The following RPL26L1 variants were observed in gnomAD, a reference collection of about 807,000 sequenced individuals.
RPL26L1 encodes the protein ribosomal protein L26 like 1, also known as ribosomal protein uL24-like.
RPL26L1 carries 8 observed loss-of-function variants against 15.2 expected under a neutral mutation model. The ratio of observed to expected loss-of-function variants is 0.53; its 90% CI spans 0.31 to 0.95. The LOEUF (loss-of-function observed/expected upper bound fraction) is 0.95. RPL26L1 is among the 40% of genes least tolerant of loss of function. The probability of loss-of-function intolerance (pLI) is 0.05; values close to 1 mark genes in which losing one functional copy is unlikely to be tolerated. For missense variants in RPL26L1, 146 were observed against 190.9 expected, an observed-to-expected ratio of 0.76 and a Z score of 1.39; for synonymous variants, 51 against 65.9, an observed-to-expected ratio of 0.77 and a Z score of 1.09.
In RPL26L1 at chr5:172,968,478, A is replaced by C; in HGVS notation, c.188A>C (p.Lys63Thr). ...TCTTAGGTAGTTCGAGGACACTACAAAGGTCAGCAAATTGGCAAGGTAGTC... is the reference window on the plus strand; with the variant it reads ...TCTTAGGTAGTTCGAGGACACTACACAGGTCAGCAAATTGGCAAGGTAGTC... ...DEVQVVRGHYKGQQIGKVVQV... is the reference protein window; with the variant it reads ...DEVQVVRGHYTGQQIGKVVQV... The change falls in exon 3 of 4, where the codon AAA (lysine) becomes ACA (threonine). Residue 63 changes from lysine to threonine, a missense_variant. Physicochemically the swap from Lys to Thr is moderately conservative, Grantham distance 78. Transcript: ENST00000265100. The C allele has an allele frequency of 6.2e-7, 1 of 1,614,062 alleles. No individual in the cohort carries two copies. Among genetic ancestry groups the C allele is most frequent in the Non-Finnish European group, 8.5e-7 (1 of 1,179,972 alleles).
At chr5:172,966,652 T>C (rs1397472614) in intron 2 of RPL26L1, among the ~76,000 whole-genome samples, 1 of 152,102 alleles carries the variant, frequency 6.6e-6, no homozygotes, top group Non-Finnish European at 1.5e-5. Context: ...TTAACAAGAC[T>C]TCTTCCAGGT....
At chr5:172,958,264 CA>C (rs5873347), upstream of RPL26L1, 16,427 of 281,910 alleles carry the variant, frequency 0.058, 12 homozygotes, top group Middle Eastern at 0.11. Context: ...AACTCTATCT[CA>C]AAAAAAAAAA....
chr5:172,967,178 C>T (rs145573624), intron 2 of RPL26L1, among the ~76,000 whole-genome samples: 3,753 of 149,316 alleles, frequency 0.025, 77 homozygotes, highest in Non-Finnish European at 0.038. Flanking sequence ...TTAATAAGCT[C>T]TTGTGGCTGG....
chr5:172,959,557 A>C, intron 1 of RPL26L1, 89 bp downstream of exon 1: 1 of 1,170,570 alleles, frequency 8.5e-7, no homozygotes, highest in Admixed American at 3.7e-5. Flanking sequence ...ATGTCACCCC[A>C]CAGCTCTCTT....
chr5:172,960,016 C>T lies in RPL26L1; in HGVS notation c.143C>T (p.Pro48Leu), dbSNP rs772817275. 5 of 1,614,172 alleles carry T rather than the reference C, an allele frequency of 3.1e-6. No individual in the cohort carries two copies. Among genetic ancestry groups the T allele is most frequent in the Middle Eastern group, 3.3e-4 (2 of 6,062 alleles). Residue 48 changes from proline (P) to leucine (L), a missense_variant, in exon 2 of 4, where the codon CCC becomes CTC. Physicochemically the swap from Pro to Leu is moderately conservative, Grantham distance 98 (BLOSUM62 -3). Coordinates refer to ENST00000265100, the MANE Select transcript of RPL26L1 (RefSeq NM_016093.4). ...LRQKYNVRSM[P>L]IRKDDEVQVV... ...CAGAAGTACAATGTCCGCTCCATGCCCATCCGCAAGGACGACGAGGTCCAG... is the reference window on the plus strand; with the variant it reads ...CAGAAGTACAATGTCCGCTCCATGCTCATCCGCAAGGACGACGAGGTCCAG...
chr5:172,967,279 A>T (rs1010888983), intron 2 of RPL26L1, among the ~76,000 whole-genome samples: 4 of 152,064 alleles, frequency 2.6e-5, no homozygotes, highest in Non-Finnish European at 5.9e-5. Context: ...AGCCTGGCCA[A>T]TATGGCGAAA....
At chr5:172,959,362 G>C (rs1043646930), upstream of RPL26L1, 1 of 1,000,478 alleles carries the variant, frequency 1.0e-6, no homozygotes. Context: ...GGCGCCATTC[G>C]ACTTCGCTCC....
At chr5:172,955,192 G>A (rs761311282), upstream of RPL26L1, 9 of 344,370 alleles carry the variant, frequency 2.6e-5, no homozygotes, top group Middle Eastern at 1.1e-3. Context: ...GCAATGGCGC[G>A]ATATCGGCTC....
At chr5:172,958,122 G>A (rs1755038973), upstream of RPL26L1, 2 of 309,336 alleles carry the variant, frequency 6.5e-6, no homozygotes, top group South Asian at 2.6e-5. Flanking sequence ...AAATTAGCCG[G>A]GCGTGGTGGC....
chr5:172,958,656 A>G (rs1438467626), upstream of RPL26L1: 1 of 276,852 alleles, frequency 3.6e-6, no homozygotes, highest in Admixed American at 4.0e-5. Flanking sequence ...TTTTACACCC[A>G]GGGTCCGCGC....
At chr5:172,967,585 C>T (rs1755505408) in intron 2 of RPL26L1, among the ~76,000 whole-genome samples, 2 of 151,852 alleles carry the variant, frequency 1.3e-5, no homozygotes, top group South Asian at 2.1e-4. Context: ...AATTTTTTTT[C>T]TGACTTTAAA....
At chr5:172,963,636 C>T (rs1262362643) in intron 2 of RPL26L1, among the ~76,000 whole-genome samples, 2 of 152,200 alleles carry the variant, frequency 1.3e-5, no homozygotes, top group Non-Finnish European at 2.9e-5. Context: ...CTCAGAGAAG[C>T]CTTCCCAGAT....
upstream of RPL26L1, chr5:172,955,128 A>AT: frequency 2.8e-5 from 6 of 217,838 alleles, no homozygotes; most frequent in South Asian, 3.5e-5. Context: ...AGCTGTGGTT[A>AT]GTTTTTTTTT....
At chr5:172,960,077 C>T (rs1266807037) in intron 2 of RPL26L1, 36 bp downstream of exon 2, 2 of 1,612,424 alleles carry the variant, frequency 1.2e-6, no homozygotes, top group South Asian at 2.2e-5. Flanking sequence ...CGCTCGGACA[C>T]CGTTGCCTAA....
chr5:172,963,288 C>T (rs368991547), intron 2 of RPL26L1, among the ~76,000 whole-genome samples: 10 of 151,530 alleles, frequency 6.6e-5, no homozygotes, highest in Non-Finnish European at 8.8e-5. Flanking sequence ...GCAGGGGAAT[C>T]GCTTTAACCT....
chr5:172,961,498 C>A (rs1755233505), intron 2 of RPL26L1, among the ~76,000 whole-genome samples: 1 of 152,196 alleles, frequency 6.6e-6, no homozygotes, highest in South Asian at 2.1e-4. Flanking sequence ...CCCTAGCCCA[C>A]ATTTCCTTCC....
chr5:172,958,867 CG>C (rs1355172852), upstream of RPL26L1: 1 of 112,288 alleles, frequency 8.9e-6, no homozygotes, highest in African/African-American at 3.4e-5. Context: ...GAGAGAGGGG[CG>C]GGGCGGCGGC....
intron 2 of RPL26L1, among the ~76,000 whole-genome samples, chr5:172,964,741 CCTCTTT>C (rs1460635944): frequency 5.3e-5 from 8 of 152,218 alleles, no homozygotes; most frequent in African/African-American, 1.9e-4. Context: ...CACTTACCTT[CCTCTTT>C]CTCTGAGTAG....
At chr5:172,954,768 G>A (rs115747616), upstream of RPL26L1, 333 of 371,504 alleles carry the variant, frequency 9.0e-4, no homozygotes, top group African/African-American at 6.4e-3. Context: ...TGTGTTTTAC[G>A]TTGGCATACA....
Sources: gnomAD v4.1 joint callset for allele counts (sites outside exome capture counted in the v4.1 genomes callset) on GRCh38, gnomAD v4.1.1 for gene constraint, MANE v1.5 for transcripts, NCBI Gene and HGNC (gene_info 2026-07-23, HGNC 2026-07-21) for gene names.